PCDH15: variants seen among roughly 807,000 people sequenced by gnomAD.
PCDH15 encodes the protein protocadherin related 15.
PCDH15 carries 129 observed loss-of-function variants against 178.5 expected under a neutral mutation model. The observed-to-expected ratio is 0.72, with a 90% CI of 0.63 to 0.84. The LOEUF (loss-of-function observed/expected upper bound fraction) is 0.84, where lower values mean the gene tolerates loss of function less well. Ranked by LOEUF, PCDH15 falls within the 40% of genes least tolerant of loss-of-function variation. PCDH15 has a pLI of 0.00. For missense variants in PCDH15, 2,230 were observed against 2,099.9 expected, an observed-to-expected ratio of 1.06 and a Z score of -1.21; for synonymous variants, 800 against 732.0, an observed-to-expected ratio of 1.09 and a Z score of -1.50.
chr10:55,069,613 T>A (rs1238162188), intron 2 of PCDH15, among the ~76,000 whole-genome samples: 1 of 144,602 alleles, frequency 6.9e-6, no homozygotes, highest in Admixed American at 7.0e-5. Flanking sequence ...GAACTCATCA[T>A]TTTTTATGGC....
intron 1 of PCDH15, among the ~76,000 whole-genome samples, chr10:55,187,712 A>G (rs1839835124): frequency 6.6e-6 from 1 of 151,928 alleles, no homozygotes; most frequent in Non-Finnish European, 1.5e-5. Context: ...TATTTTTTAG[A>G]TTTTTAAATG....
chr10:54,583,051 A>C (rs1264017351), intron 2 of PCDH15, among the ~76,000 whole-genome samples: 1 of 151,814 alleles, frequency 6.6e-6, no homozygotes, highest in East Asian at 1.9e-4. Flanking sequence ...CAGGAAAAAA[A>C]TTTAAAAGAA....
intron 2 of PCDH15, among the ~76,000 whole-genome samples, chr10:54,971,704 C>T (rs113906447): frequency 0.053 from 8,056 of 152,188 alleles, 289 homozygotes; most frequent in Middle Eastern, 0.086. Context: ...AATTAATTTG[C>T]GTATCACCAG....
intron 2 of PCDH15, among the ~76,000 whole-genome samples, chr10:54,565,894 G>A (rs1157910181): frequency 6.6e-6 from 1 of 151,586 alleles, no homozygotes; most frequent in Non-Finnish European, 1.5e-5. Context: ...AGACCAGCCT[G>A]ACCAACCTGG....
intron 7 of PCDH15, among the ~76,000 whole-genome samples, chr10:54,318,682 G>C (rs1393792702): frequency 6.6e-6 from 1 of 152,084 alleles, no homozygotes; most frequent in African/African-American, 2.4e-5. Flanking sequence ...TGACAATTTT[G>C]AGCACTGGAT....
intron 1 of PCDH15, among the ~76,000 whole-genome samples, chr10:54,668,417 T>C (rs975479784): frequency 3.9e-5 from 6 of 152,288 alleles, no homozygotes; most frequent in Non-Finnish European, 8.8e-5. Context: ...TGCTATCCGA[T>C]AAAATAACTG....
At chr10:53,811,320 C>T (rs1440379035) in intron 36 of PCDH15, among the ~76,000 whole-genome samples, 2 of 152,070 alleles carry the variant, frequency 1.3e-5, no homozygotes, top group Non-Finnish European at 2.9e-5. Flanking sequence ...TACCGCATTT[C>T]TAGAATTGCA....
intron 1 of PCDH15, among the ~76,000 whole-genome samples, chr10:55,285,298 C>A (rs1161011879): frequency 1.3e-5 from 2 of 150,564 alleles, no homozygotes; most frequent in Admixed American, 6.6e-5. Flanking sequence ...AAATGGTATT[C>A]TTCCATAACA....
intron 3 of PCDH15, among the ~76,000 whole-genome samples, chr10:54,851,265 T>C (rs997433805): frequency 1.3e-5 from 2 of 150,938 alleles, no homozygotes; most frequent in East Asian, 3.9e-4. Flanking sequence ...CCCACAAAAA[T>C]TAAAAAAGGA....
Position 55,573,303 on chromosome 10 carries a change from T to C in PCDH15, c.-156+54322A>G, listed in dbSNP as rs544959973. On this transcript the variant is annotated intron_variant, in intron 2 of 5. Coordinates refer to the PCDH15 transcript ENST00000613346. Reference sequence around the variant, plus strand: ...GCAGTATAGCTGTACTTGAAAGAAATTGATGGACCATCTAACAGTTCTAGT... The same window carrying C: ...GCAGTATAGCTGTACTTGAAAGAAACTGATGGACCATCTAACAGTTCTAGT... Among the ~76,000 whole-genome samples, 37 of 152,192 alleles carry C rather than the reference T, an allele frequency of 2.4e-4. No individual in the cohort carries two copies. The South Asian group carries it at 5.8e-3, about 24-fold the overall frequency.
chr10:54,726,427 T>G (rs1047473825), intron 1 of PCDH15, among the ~76,000 whole-genome samples: 5 of 84,904 alleles, frequency 5.9e-5, no homozygotes, highest in African/African-American at 1.9e-4. Flanking sequence ...GGGGTGTGTG[T>G]GTGTGTGTGT....
intron 3 of PCDH15, among the ~76,000 whole-genome samples, chr10:54,861,428 A>G (rs1477522627): frequency 6.6e-6 from 1 of 152,206 alleles, no homozygotes; most frequent in Non-Finnish European, 1.5e-5. Context: ...GAAGAAATAG[A>G]AATCCTGAAC....
At chr10:54,517,641 A>T (rs969821417) in intron 3 of PCDH15, among the ~76,000 whole-genome samples, 21 of 152,148 alleles carry the variant, frequency 1.4e-4, no homozygotes, top group Non-Finnish European at 2.2e-4. Context: ...TGTCAACATT[A>T]GACAGATCAA....
intron 37 of PCDH15, among the ~76,000 whole-genome samples, chr10:53,807,659 C>G (rs562623931): frequency 1.3e-5 from 2 of 150,894 alleles, no homozygotes; most frequent in South Asian, 4.2e-4. Flanking sequence ...CATTTATTTA[C>G]TTGACTTTAC....
intron 3 of PCDH15, among the ~76,000 whole-genome samples, chr10:54,825,600 T>G (rs1236757086): frequency 6.7e-6 from 1 of 150,310 alleles, no homozygotes; most frequent in Non-Finnish European, 1.5e-5. Context: ...ATTGTGGTTT[T>G]GATTTGCATT....
chr10:55,490,923 G>C (rs1840398806), intron 2 of PCDH15, among the ~76,000 whole-genome samples: 1 of 151,648 alleles, frequency 6.6e-6, no homozygotes, highest in Admixed American at 6.6e-5. Flanking sequence ...GAGGAAGAAA[G>C]ATAAGAACAA....
At chr10:54,102,667 T>C (rs537382319) in intron 15 of PCDH15, among the ~76,000 whole-genome samples, 98 of 152,306 alleles carry the variant, frequency 6.4e-4, no homozygotes, top group African/African-American at 2.3e-3. Context: ...CTCTAATGGC[T>C]TCCATTTGGC....
chr10:55,069,121 G>C (rs1841648183), intron 2 of PCDH15, among the ~76,000 whole-genome samples: 1 of 151,050 alleles, frequency 6.6e-6, no homozygotes, highest in Admixed American at 6.6e-5. Context: ...GGCCAAGCTG[G>C]TCTCGAACTC....
intron 2 of PCDH15, among the ~76,000 whole-genome samples, chr10:55,544,755 C>A (rs964048497): frequency 6.6e-6 from 1 of 152,074 alleles, no homozygotes; most frequent in African/African-American, 2.4e-5. Context: ...GTCATCAATA[C>A]ACAGGCATGT....
Sources: gnomAD v4.1 joint callset for allele counts (sites outside exome capture counted in the v4.1 genomes callset) on GRCh38, gnomAD v4.1.1 for gene constraint, MANE v1.5 for transcripts, NCBI Gene and HGNC (gene_info 2026-07-23, HGNC 2026-07-21) for gene names.